The following RGS8 variants were observed in gnomAD, a reference collection of about 807,000 sequenced individuals.
RGS8 encodes the protein regulator of G protein signaling 8.
In RGS8, 8 loss-of-function variants were observed where a neutral mutation model predicts 21.7. That is an observed-to-expected ratio of 0.37 (90% CI 0.22 to 0.66). The LOEUF (loss-of-function observed/expected upper bound fraction) is 0.66, where lower values mean the gene tolerates loss of function less well. Among genes scored for constraint, RGS8 ranks in the 30% least tolerant of loss-of-function variants. RGS8 has a pLI of 0.59. For synonymous variants in RGS8, 80 were observed against 83.6 expected (o/e 0.96, Z 0.24); for missense variants, 157 against 217.9 (o/e 0.72, Z 1.76).
intron 5 of RGS8, among the ~76,000 whole-genome samples, chr1:182,659,016 T>C (rs562607221): frequency 6.6e-6 from 1 of 152,370 alleles, no homozygotes; most frequent in East Asian, 1.9e-4. Context: ...TTCATTAGTA[T>C]ATATGTAGCA....
the RGS8 span, among the ~76,000 whole-genome samples, chr1:182,743,130 AG>A: frequency 1.3e-5 from 2 of 152,312 alleles, no homozygotes; most frequent in South Asian, 4.1e-4. Flanking sequence ...CAAAGGGAAA[AG>A]CAATATGGCC....
At chr1:182,679,543 C>G (rs1223319593) in intron 1 of RGS8, among the ~76,000 whole-genome samples, 2 of 152,078 alleles carry the variant, frequency 1.3e-5, no homozygotes, top group Non-Finnish European at 2.9e-5. Context: ...TCTCACCTTG[C>G]ATGCTACTTG....
intron 5 of RGS8, among the ~76,000 whole-genome samples, chr1:182,663,303 C>T (rs1386960965): frequency 1.3e-5 from 2 of 152,186 alleles, no homozygotes; most frequent in Non-Finnish European, 2.9e-5. Context: ...TGCTCCATAG[C>T]CTTCACAGGG....
the RGS8 span, among the ~76,000 whole-genome samples, chr1:182,744,916 C>T: frequency 6.6e-6 from 1 of 152,192 alleles, no homozygotes; most frequent in Admixed American, 6.5e-5. Context: ...CTTAAGCCAC[C>T]CTACCACCCC....
At chr1:182,677,105 C>T (rs1664389964), upstream of RGS8, among the ~76,000 whole-genome samples, 1 of 152,148 alleles carries the variant, frequency 6.6e-6, no homozygotes, top group Non-Finnish European at 1.5e-5. Context: ...GGAGATTAGA[C>T]TGACTGGAAA....
At chr1:182,648,817 A>G (rs1189684399) in intron 5 of RGS8, among the ~76,000 whole-genome samples, 1 of 151,424 alleles carries the variant, frequency 6.6e-6, no homozygotes. Context: ...CAAGAGTCAT[A>G]GGGCTGGACG....
the RGS8 span, among the ~76,000 whole-genome samples, chr1:182,713,414 C>T: frequency 6.6e-6 from 1 of 152,082 alleles, no homozygotes; most frequent in Non-Finnish European, 1.5e-5. Context: ...GATCTCCTGA[C>T]CTCCAGTGAT....
the RGS8 span, among the ~76,000 whole-genome samples, chr1:182,702,627 A>G: frequency 6.6e-6 from 1 of 152,240 alleles, no homozygotes; most frequent in African/African-American, 2.4e-5. Flanking sequence ...ATAAGGCTAA[A>G]GATCCAATCG....
intron 5 of RGS8, among the ~76,000 whole-genome samples, chr1:182,652,824 G>A (rs572857816): frequency 1.3e-5 from 2 of 152,304 alleles, no homozygotes; most frequent in South Asian, 4.2e-4. Context: ...GTGGGAGGAA[G>A]AGGCTTCTTA....
At chr1:182,731,030 TCTA>T in the RGS8 span, among the ~76,000 whole-genome samples, 1 of 152,228 alleles carries the variant, frequency 6.6e-6, no homozygotes, top group Non-Finnish European at 1.5e-5. Context: ...GTGGCAGATT[TCTA>T]AAGAAAAGAG....
the RGS8 span, among the ~76,000 whole-genome samples, chr1:182,720,362 C>T: frequency 1.9e-4 from 29 of 152,308 alleles, no homozygotes; most frequent in African/African-American, 6.7e-4. Flanking sequence ...CAAAAATCTT[C>T]ACCAACCCTG....
At chr1:182,732,270 CAT>C in the RGS8 span, among the ~76,000 whole-genome samples, 16 of 79,730 alleles carry the variant, frequency 2.0e-4, no homozygotes, top group African/African-American at 9.8e-4. Flanking sequence ...CTCTCTCTCT[CAT>C]ACACACACAC....
At chr1:182,701,864 G>A in the RGS8 span, among the ~76,000 whole-genome samples, 1 of 152,148 alleles carries the variant, frequency 6.6e-6, no homozygotes, top group Non-Finnish European at 1.5e-5. Flanking sequence ...TCAGAGAAAT[G>A]TAAATAAAAA....
intron 5 of RGS8, among the ~76,000 whole-genome samples, chr1:182,665,370 A>G (rs1029410272): frequency 6.6e-6 from 1 of 152,244 alleles, no homozygotes; most frequent in South Asian, 2.1e-4. Context: ...CTTTGTGGGA[A>G]ACAAAAGGCA....
At chr1:182,741,907 A>G in the RGS8 span, among the ~76,000 whole-genome samples, 126 of 114,722 alleles carry the variant, frequency 1.1e-3, no homozygotes, top group Middle Eastern at 5.7e-3. Flanking sequence ...CTCCCGGAGG[A>G]GGTGGCTGCC....
At chr1:182,645,739 G>A (rs1382914644), downstream of RGS8, 5 of 152,128 alleles carry the variant, frequency 3.3e-5, no homozygotes, top group African/African-American at 4.8e-5. Flanking sequence ...TTACATGACC[G>A]GCATGGAAGG....
At chr1:182,723,456 A>T in the RGS8 span, among the ~76,000 whole-genome samples, 112 of 152,342 alleles carry the variant, frequency 7.4e-4, 1 homozygote, top group African/African-American at 2.6e-3. Flanking sequence ...TTTCTCTATG[A>T]CACAGAAGCT....
chr1:182,677,044 G>C (rs1445779046), upstream of RGS8, among the ~76,000 whole-genome samples: 1 of 152,064 alleles, frequency 6.6e-6, no homozygotes, highest in African/African-American at 2.4e-5. Flanking sequence ...ATGGAATTTT[G>C]CCAGTGAGCA....
In RGS8 at chr1:182,683,832, G is replaced by A. The variant is rs75367415; in HGVS notation, n.221+524C>T. On this transcript the variant is annotated intron_variant and non_coding_transcript_variant, in intron 1 of 4. Transcript: ENST00000515211. The stretch of plus-strand genomic sequence containing the variant: ...GCATCGGAATGTGTGACCAACGTTA[G>A]TCACCAGCAACACCAAAGACCTGCA... Among the ~76,000 whole-genome samples the A allele has an allele frequency of 9.2e-3, 1,407 of 152,226 alleles. 10 individuals carry two copies. Among genetic ancestry groups the A allele is most frequent in the Middle Eastern group, 0.024 (7 of 294 alleles).
Sources: allele counts gnomAD v4.1 joint callset (sites outside exome capture counted in the v4.1 genomes callset), GRCh38; gene constraint gnomAD v4.1.1; transcripts MANE v1.5; gene names NCBI Gene and HGNC (gene_info 2026-07-23, HGNC 2026-07-21).